The following ASAP3 variants were observed in gnomAD, a reference collection of about 807,000 sequenced individuals.
The protein encoded by ASAP3 is ArfGAP with SH3 domain, ankyrin repeat and PH domain 3, also known as arf-GAP with SH3 domain, ANK repeat and PH domain-containing protein 3.
A neutral mutation model predicts 118.2 loss-of-function variants in ASAP3; 85 were observed. The ratio of observed to expected loss-of-function variants is 0.72; its 90% CI spans 0.60 to 0.86. ASAP3 has a LOEUF of 0.86. Among genes scored for constraint, ASAP3 ranks in the 40% least tolerant of loss-of-function variants. ASAP3 has a pLI of 0.00. For synonymous variants in ASAP3, 432 were observed against 477.4 expected, an observed-to-expected ratio of 0.90 and a Z score of 1.24; for missense variants, 1,026 against 1,175.0, an observed-to-expected ratio of 0.87 and a Z score of 1.85.
chr1:23,441,099 T>C lies in ASAP3; in HGVS notation c.944+3A>G. The C allele has an allele frequency of 6.2e-7, 1 of 1,613,950 alleles. No homozygotes were observed. Among genetic ancestry groups the C allele is most frequent in the Non-Finnish European group, 8.5e-7 (1 of 1,179,814 alleles). On this transcript the variant is annotated splice_donor_region_variant and intron_variant, in intron 10 of 24. Coordinates refer to ENST00000336689, the MANE Select transcript of ASAP3 (RefSeq NM_017707.4). ...CAAATTATGTAAGCTCTGAATCACT[T>C]ACCCGTCACTTTTCTTGTATAGAAA...
intron 1 of ASAP3, among the ~76,000 whole-genome samples, chr1:23,459,119 G>A (rs981563612): frequency 7.5e-6 from 1 of 133,424 alleles, no homozygotes; most frequent in Admixed American, 9.3e-5. Context: ...GCAGTGAGCT[G>A]AGATGGTACC....
intron 17 of ASAP3, 120 bp from the exon 18 acceptor site, chr1:23,434,738 G>A (rs892760070): frequency 2.2e-6 from 2 of 903,690 alleles, no homozygotes; most frequent in Non-Finnish European, 3.5e-6. Context: ...CAGAACCCTG[G>A]AGAGATGAGA....
chr1:23,464,939 T>C (rs1641719519), intron 1 of ASAP3, among the ~76,000 whole-genome samples: 1 of 152,164 alleles, frequency 6.6e-6, no homozygotes, highest in Non-Finnish European at 1.5e-5. Context: ...CAGTACATCA[T>C]CATTGCTAAA....
intron 23 of ASAP3, 34 bp from the exon 24 acceptor site, chr1:23,431,159 T>A (rs772255417): frequency 6.4e-7 from 1 of 1,555,146 alleles, no homozygotes. Flanking sequence ...ATGACCCTCA[T>A]GTCCAGAGAG....
intron 1 of ASAP3, among the ~76,000 whole-genome samples, chr1:23,475,999 C>T (rs1287750672): frequency 1.3e-5 from 2 of 151,648 alleles, no homozygotes; most frequent in African/African-American, 2.4e-5. Flanking sequence ...TGATTTCTCC[C>T]CAAACCTGTT....
intron 1 of ASAP3, among the ~76,000 whole-genome samples, chr1:23,459,170 CAAAAAA>C (rs59149141): frequency 1.5e-5 from 1 of 68,294 alleles, no homozygotes; most frequent in Non-Finnish European, 2.4e-5. Context: ...GACTCCATCT[CAAAAAA>C]AAAAAAAAAA....
rs538000701 is a variant in ASAP3 at position 23,477,213 on chromosome 1, C to T, written c.129+6792G>A. Among the ~76,000 whole-genome samples, 14 of 151,528 alleles carry T rather than the reference C, an allele frequency of 9.2e-5. No individual in the cohort carries two copies. The South Asian group carries it at 1.3e-3, about 14-fold the overall frequency. On this transcript the variant is annotated intron_variant, in intron 1 of 24. Transcript: ENST00000336689. ...TGTATTTTTAGGAGAGACAGGGTTT[C>T]GCCACGTTGGCCAGGCTGGTCTCGA...
chr1:23,438,638 T>G lies in ASAP3; in HGVS notation c.1102+109A>C. The stretch of plus-strand genomic sequence containing the variant: ...CTGCAGTAGCAGCAATTCGACACCA[T>G]GTGTGGAACTGGACACAGACCCCTC... On this transcript the variant is annotated intron_variant, in intron 12 of 24. Transcript: ENST00000336689. This position sits in a 1 kb window ranked among gnomAD's most constrained non-coding sequence, Gnocchi z 4.9. 1.1e-6 allele frequency: 1 copy of G among 872,698 alleles called. No individual in the cohort carries two copies. The highest frequency in any genetic ancestry group is 1.8e-6 in the Non-Finnish European group (1 of 545,252). The allele number at this position is 872,698 out of a possible 1,614,324, so 54.1% of individuals were successfully genotyped here.
At chr1:23,467,963 A>AG (rs911435548) in intron 1 of ASAP3, among the ~76,000 whole-genome samples, 40 of 152,044 alleles carry the variant, frequency 2.6e-4, no homozygotes, top group African/African-American at 9.4e-4. Flanking sequence ...AAAAAAAAAA[A>AG]AAAAAGAAAA....
At chr1:23,458,235 C>T (rs1641450644) in intron 1 of ASAP3, among the ~76,000 whole-genome samples, 1 of 152,158 alleles carries the variant, frequency 6.6e-6, no homozygotes, top group Non-Finnish European at 1.5e-5. Flanking sequence ...AATCCCAGCA[C>T]TTTGGGAGGC....
rs754762426 is a variant in ASAP3 at position 23,442,579 on chromosome 1, C to T, written c.507G>A (p.Arg169=). The part of the protein sequence containing the change: ...AKLEKERDRA[R]VTGGIPGEVA... Reference sequence around the variant, plus strand: ...CCTCCCCAGGGATCCCTCCTGTCACCCTGGCCCGATCGCGCTCCTTCTCCA... The same window carrying T: ...CCTCCCCAGGGATCCCTCCTGTCACTCTGGCCCGATCGCGCTCCTTCTCCA... The change falls in exon 6 of 25, where the codon AGG becomes AGA. Residue 169 remains arginine (R), a synonymous_variant. Transcript: ENST00000336689. 3.7e-6 allele frequency: 6 copies of T among 1,614,020 alleles called. No homozygotes were observed. The South Asian group carries it at 4.4e-5, about 12-fold the overall frequency.
At chr1:23,480,516 T>C (rs948509092) in intron 1 of ASAP3, among the ~76,000 whole-genome samples, 2 of 152,292 alleles carry the variant, frequency 1.3e-5, no homozygotes, top group African/African-American at 2.4e-5. Context: ...GCTCTCTCCC[T>C]CTCCTGCTCC....
chr1:23,476,735 G>T (rs1642140310), intron 1 of ASAP3, among the ~76,000 whole-genome samples: 1 of 152,208 alleles, frequency 6.6e-6, no homozygotes, highest in Admixed American at 6.5e-5. Flanking sequence ...GCCCATCTCA[G>T]TGCTTTTGCC....
At chr1:23,444,376 T>C (rs909618605) in intron 5 of ASAP3, among the ~76,000 whole-genome samples, 2 of 152,230 alleles carry the variant, frequency 1.3e-5, no homozygotes, top group African/African-American at 4.8e-5. Flanking sequence ...TGGGTGCATG[T>C]GACTCCAAAT....
rs902056583 is a variant in ASAP3 at position 23,437,453 on chromosome 1, A to G, written c.1122T>C (p.Phe374=). The G allele has an allele frequency of 6.2e-7, 1 of 1,613,968 alleles. No homozygotes were observed. The stretch of plus-strand genomic sequence containing the variant: ...CACACTCGTGCTCGTCCTCTGCCTG[A>G]AAGTGGTACGTCCGGTTGTCTGTCG... ...DLVTHNRTYH[F]QAEDEHECEA... is the part of the protein sequence containing the mutation. The change falls in exon 13 of 25, where the codon TTT becomes TTC. Residue 374 remains phenylalanine (F), a synonymous_variant. Transcript: ENST00000336689. This position sits in a 1 kb window ranked among gnomAD's most constrained non-coding sequence, Gnocchi z 6.1.
At chr1:23,458,072 C>T (rs563756229) in intron 1 of ASAP3, among the ~76,000 whole-genome samples, 3 of 152,190 alleles carry the variant, frequency 2.0e-5, no homozygotes, top group South Asian at 4.1e-4. Flanking sequence ...TTCTCCTCCT[C>T]GGGTGTGAAC....
At chr1:23,452,795 T>C (rs1235106737) in intron 3 of ASAP3, 24 bp from the exon 4 acceptor site, 1 of 1,612,394 alleles carries the variant, frequency 6.2e-7, no homozygotes. Flanking sequence ...AGACGCTCAT[T>C]CCCGCCTCAG....
At chr1:23,451,850 GAA>G (rs1314590795) in intron 4 of ASAP3, among the ~76,000 whole-genome samples, 2 of 152,206 alleles carry the variant, frequency 1.3e-5, no homozygotes, top group Non-Finnish European at 2.9e-5. Flanking sequence ...CTCTTGCTCA[GAA>G]GAGAGATCAG....
Position 23,433,637 on chromosome 1 carries a change from A to C in ASAP3, c.2008T>G (p.Cys670Gly). The change falls in exon 20 of 25, where the codon TGT (cysteine) becomes GGT (glycine). Residue 670 changes from cysteine (C) to glycine (G), a missense_variant. Physicochemically the swap from Cys to Gly is radical, Grantham distance 159. Coordinates refer to ENST00000336689, the MANE Select transcript of ASAP3 (RefSeq NM_017707.4). ...DIARKKHHKE[C>G]EELLEQAQAG... ...CCCCGAGTCCTCACCAGCTCCTCACACTCCTTGTGGTGCTTCTTCCTGGCT... is the reference window on the plus strand; with the variant it reads ...CCCCGAGTCCTCACCAGCTCCTCACCCTCCTTGTGGTGCTTCTTCCTGGCT... The C allele has an allele frequency of 6.2e-7, 1 of 1,613,652 alleles. No individual in the cohort carries two copies.
Sources: gnomAD v4.1 joint callset for allele counts (sites outside exome capture counted in the v4.1 genomes callset) on GRCh38, gnomAD v4.1.1 for gene constraint, Gnocchi (gnomAD v3.1) non-coding constraint, MANE v1.5 for transcripts, NCBI Gene and HGNC (gene_info 2026-07-23, HGNC 2026-07-21) for gene names.